GRIK4: variants seen among roughly 807,000 people sequenced by gnomAD.
The protein encoded by GRIK4 is glutamate ionotropic receptor kainate type subunit 4.
In GRIK4, 40 loss-of-function variants were observed where a neutral mutation model predicts 104.9. The observed-to-expected ratio is 0.38, with a 90% CI of 0.30 to 0.50. The LOEUF (loss-of-function observed/expected upper bound fraction) is 0.50, where lower values mean the gene tolerates loss of function less well. GRIK4 is among the 20% of genes least tolerant of loss of function. The pLI is 0.93. For missense variants in GRIK4, 1,047 were observed against 1,308.1 expected (o/e 0.80, Z 3.08); for synonymous variants, 485 against 524.9 (o/e 0.92, Z 1.04).
intron 3 of GRIK4, among the ~76,000 whole-genome samples, chr11:120,768,166 ATTC>A (rs1951871846): frequency 6.6e-6 from 1 of 151,896 alleles, no homozygotes; most frequent in Non-Finnish European, 1.5e-5. Context: ...TAACAATATT[ATTC>A]TTATTCATTA....
In GRIK4 at chr11:120,766,461, C is replaced by T. The variant is rs781496555; in HGVS notation, c.83-36232C>T. 9.2e-5 allele frequency among the ~76,000 whole-genome samples: 14 copies of T among 152,242 alleles called. No individual in the cohort carries two copies. In the East Asian group the frequency reaches 9.7e-4, roughly 11 times the overall value. The stretch of plus-strand genomic sequence containing the variant: ...TCAGCCCCCTTTTCAGGGGAGTGTA[C>T]GGTTCTGTGTTGCTGGCATTCCAGG... On this transcript the variant is annotated intron_variant, in intron 3 of 20. Transcript: ENST00000527524.
In GRIK4 at chr11:120,524,371, A is replaced by G. The variant is rs1406598145; in HGVS notation, c.-159+12484A>G. On this transcript the variant is annotated intron_variant, in intron 1 of 20. Coordinates refer to ENST00000527524, the MANE Select transcript of GRIK4 (RefSeq NM_014619.5). This position sits in a 1 kb window ranked among gnomAD's most constrained non-coding sequence, Gnocchi z 4.5. ...CTAGCAATGAGCCTTGACTCTGGAA[A>G]GCTTGGATGGGCCGCCTTCGACTCG... 2.0e-5 allele frequency among the ~76,000 whole-genome samples: 3 copies of G among 152,268 alleles called. No homozygotes were observed. The highest frequency in any genetic ancestry group is 7.2e-5 in the African/African-American group (3 of 41,564).
intron 3 of GRIK4, among the ~76,000 whole-genome samples, chr11:120,678,631 TTTGTTTTA>T (rs1565290260): frequency 6.6e-6 from 1 of 151,658 alleles, no homozygotes; most frequent in Non-Finnish European, 1.5e-5. Flanking sequence ...TTTTTTTTTT[TTTGTTTTA>T]GTTTTTGTTT....
intron 1 of GRIK4, among the ~76,000 whole-genome samples, chr11:120,537,543 T>G (rs1947989849): frequency 6.6e-6 from 1 of 152,142 alleles, no homozygotes; most frequent in Non-Finnish European, 1.5e-5. Context: ...CCTACCTGGA[T>G]GCCCACAGTG....
chr11:120,744,809 G>GA (rs1195331605), intron 3 of GRIK4, among the ~76,000 whole-genome samples: 1 of 151,994 alleles, frequency 6.6e-6, no homozygotes, highest in African/African-American at 2.4e-5. Context: ...AGTGCAAGGG[G>GA]AAAAAATCGC....
intron 1 of GRIK4, 135 bp downstream of exon 1, chr11:120,512,022 G>A (rs1264190842): frequency 2.9e-5 from 4 of 136,416 alleles, no homozygotes; most frequent in African/African-American, 1.1e-4. Context: ...CGGGGGCCGC[G>A]GCCCCGCACC....
chr11:120,567,181 C>T (rs139748690), intron 1 of GRIK4, among the ~76,000 whole-genome samples: 197 of 150,966 alleles, frequency 1.3e-3, no homozygotes, highest in African/African-American at 4.4e-3. Context: ...TTTAGAGATG[C>T]GATCTTGCTC....
intron 13 of GRIK4, among the ~76,000 whole-genome samples, chr11:120,914,443 A>G (rs527410430): frequency 6.6e-6 from 1 of 152,300 alleles, no homozygotes; most frequent in East Asian, 1.9e-4. Context: ...AGTGAGTGGC[A>G]GGGGTGGCTT....
intron 6 of GRIK4, among the ~76,000 whole-genome samples, chr11:120,822,804 G>A (rs1020733404): frequency 1.3e-5 from 2 of 152,162 alleles, no homozygotes; most frequent in African/African-American, 4.8e-5. Context: ...GGAAGTTGAC[G>A]ATACACATTA....
rs185566317 is a variant in GRIK4, at chr11:120,538,229, G to A, written c.-159+26342G>A. ...AGGCTGCTTTCCAAGACAGGGCCGC[G>A]CATCACTTGGGCGTCAGGGCAGTGG... On this transcript the variant is annotated intron_variant, in intron 1 of 20. Transcript: ENST00000527524. Among the ~76,000 whole-genome samples, 7 of 152,326 alleles carry A rather than the reference G, an allele frequency of 4.6e-5. No homozygotes were observed. The East Asian group carries it at 5.8e-4, about 13-fold the overall frequency.
chr11:120,765,481 C>T (rs141802959), intron 3 of GRIK4, among the ~76,000 whole-genome samples: 20 of 152,150 alleles, frequency 1.3e-4, no homozygotes, highest in East Asian at 7.8e-4. Flanking sequence ...ATTCATTCTC[C>T]GTCCGGTTTT....
rs1447870759 is a variant in GRIK4, at chr11:120,566,707, T to G, written c.-159+54820T>G. 4.2e-5 allele frequency among the ~76,000 whole-genome samples: 3 copies of G among 71,564 alleles called. No homozygotes were observed. The East Asian group carries it at 8.5e-4, about 20-fold the overall frequency. The allele number at this position is 71,564 out of a possible 152,430, so 46.9% of individuals were successfully genotyped here. ...TTTTTTTTCTTGTTTATACCCTCAG[T>G]TTTTTTTTTTTTTTTGAGACGGCGT... is the stretch of plus-strand genomic sequence containing the variant. On this transcript the variant is annotated intron_variant, in intron 1 of 20. Coordinates refer to ENST00000527524, the MANE Select transcript of GRIK4 (RefSeq NM_014619.5).
intron 3 of GRIK4, among the ~76,000 whole-genome samples, chr11:120,688,565 G>A (rs2135304170): frequency 6.6e-6 from 1 of 152,292 alleles, no homozygotes; most frequent in South Asian, 2.1e-4. Context: ...AAGCCCAGGA[G>A]GCCTCGATAC....
chr11:120,753,688 G>GT (rs1411348296), intron 3 of GRIK4, among the ~76,000 whole-genome samples: 8 of 152,116 alleles, frequency 5.3e-5, no homozygotes. Context: ...GAGACAACAG[G>GT]TAAGAGATGA....
chr11:120,908,124 G>T (rs763819706), intron 13 of GRIK4, among the ~76,000 whole-genome samples: 1 of 152,176 alleles, frequency 6.6e-6, no homozygotes, highest in African/African-American at 2.4e-5. Context: ...AGAAGCCATT[G>T]CATCTAAATC....
intron 1 of GRIK4, among the ~76,000 whole-genome samples, chr11:120,611,721 T>C (rs2135148561): frequency 6.6e-6 from 1 of 152,274 alleles, no homozygotes; most frequent in East Asian, 1.9e-4. Context: ...AGTTTGCTTG[T>C]CTCTCTCCCC....
At chr11:120,794,681 T>C (rs1952476924) in intron 3 of GRIK4, among the ~76,000 whole-genome samples, 1 of 152,110 alleles carries the variant, frequency 6.6e-6, no homozygotes, top group African/African-American at 2.4e-5. Flanking sequence ...ACCTTGATCT[T>C]AGACTTCCAG....
At chr11:120,833,166 G>A (rs1434052383) in intron 7 of GRIK4, among the ~76,000 whole-genome samples, 1 of 151,596 alleles carries the variant, frequency 6.6e-6, no homozygotes, top group Non-Finnish European at 1.5e-5. Context: ...TCTCAGTACT[G>A]AGGGCTGTCC....
At chr11:120,968,596 C>A (rs189196348) in intron 19 of GRIK4, among the ~76,000 whole-genome samples, 2 of 152,124 alleles carry the variant, frequency 1.3e-5, no homozygotes, top group Non-Finnish European at 2.9e-5. Flanking sequence ...TATGGATATA[C>A]GGAGCAAGTA....
Sources: gnomAD v4.1 joint callset for allele counts (sites outside exome capture counted in the v4.1 genomes callset) on GRCh38, gnomAD v4.1.1 for gene constraint, Gnocchi (gnomAD v3.1) non-coding constraint, MANE v1.5 for transcripts, NCBI Gene and HGNC (gene_info 2026-07-23, HGNC 2026-07-21) for gene names.